RNF216: variants seen among roughly 807,000 people sequenced by gnomAD.
RNF216 encodes ring finger protein 216.
A neutral mutation model predicts 110.8 loss-of-function variants in RNF216; 72 were observed. The observed-to-expected ratio is 0.65, with a 90% CI of 0.54 to 0.79. The LOEUF is 0.79. Ranked by LOEUF, RNF216 falls within the 30% of genes least tolerant of loss-of-function variation. The probability of loss-of-function intolerance (pLI) is 0.00; values close to 1 mark genes in which losing one functional copy is unlikely to be tolerated. For missense variants in RNF216, 1,342 were observed against 1,141.2 expected (o/e 1.18, Z -2.54); for synonymous variants, 495 against 407.5 (o/e 1.21, Z -2.59).
At chr7:5,626,305 T>C (rs1786698472) in intron 15 of RNF216, among the ~76,000 whole-genome samples, 2 of 151,720 alleles carry the variant, frequency 1.3e-5, no homozygotes, top group Non-Finnish European at 2.9e-5. Flanking sequence ...GGGTGGGCAG[T>C]TTGAAGGCCT....
intron 1 of RNF216, among the ~76,000 whole-genome samples, chr7:5,779,113 A>G (rs527267351): frequency 2.6e-5 from 4 of 152,368 alleles, no homozygotes; most frequent in African/African-American, 9.6e-5. Flanking sequence ...TTATGTCTCT[A>G]AAGAGCTAGA....
intron 1 of RNF216, chr7:5,777,590 A>T (rs532371238): frequency 1.3e-5 from 2 of 152,376 alleles, no homozygotes; most frequent in African/African-American, 4.8e-5. Context: ...ATCAAAGTTG[A>T]CCTAGACGCT....
intron 8 of RNF216, among the ~76,000 whole-genome samples, chr7:5,723,114 T>A (rs376607290): frequency 2.0e-5 from 3 of 152,144 alleles, no homozygotes; most frequent in Non-Finnish European, 4.4e-5. Flanking sequence ...TTTTTTTCTA[T>A]AAAATGATAA....
At position 5,641,208 on chromosome 7, in the gene RNF216, T is replaced by A; in HGVS notation, c.2328A>T (p.Ser776=). 1 of 1,614,110 alleles carries A rather than the reference T, an allele frequency of 6.2e-7. No individual in the cohort carries two copies. The highest frequency in any genetic ancestry group is 8.5e-7 in the Non-Finnish European group (1 of 1,180,034). ...AACACTCCTGGCAAGGGGCTCCTGG[T>A]GAGCGGGGATGTTGGCAGAAATGGT... ...GYDHFCQHPR[S]PGAPCQECSR... is the part of the protein sequence containing the mutation. Residue 776 remains serine, a synonymous_variant, in exon 15 of 17, where the codon TCA becomes TCT. Coordinates refer to ENST00000389902, the MANE Select transcript of RNF216 (RefSeq NM_207111.4).
intron 15 of RNF216, among the ~76,000 whole-genome samples, chr7:5,635,365 G>T (rs972687664): frequency 6.6e-6 from 1 of 151,694 alleles, no homozygotes; most frequent in Non-Finnish European, 1.5e-5. Flanking sequence ...GCCAGCTGTG[G>T]AAGCTGGGTG....
At chr7:5,646,332 C>A (rs1049500989) in intron 14 of RNF216, among the ~76,000 whole-genome samples, 4 of 151,658 alleles carry the variant, frequency 2.6e-5, no homozygotes, top group African/African-American at 9.7e-5. Context: ...CGCATCATTG[C>A]CACTGCACTC....
chr7:5,669,957 C>T (rs1789794826), intron 13 of RNF216, among the ~76,000 whole-genome samples: 1 of 150,322 alleles, frequency 6.7e-6, no homozygotes, highest in Non-Finnish European at 1.5e-5. Context: ...GATGGAGTCT[C>T]GCTCTGCCAC....
At chr7:5,757,921 G>A (rs963267115) in intron 2 of RNF216, among the ~76,000 whole-genome samples, 16 of 152,324 alleles carry the variant, frequency 1.1e-4, no homozygotes, top group Middle Eastern at 3.4e-3. Context: ...TCGTGAGGCA[G>A]AGGCAATTGG....
chr7:5,753,382 T>C (rs567379073), intron 2 of RNF216, among the ~76,000 whole-genome samples: 50 of 152,318 alleles, frequency 3.3e-4, no homozygotes, highest in African/African-American at 1.1e-3. Flanking sequence ...ATTCAAAAAA[T>C]AGTAAAATTT....
intron 13 of RNF216, among the ~76,000 whole-genome samples, chr7:5,689,114 T>C (rs551826044): frequency 5.9e-5 from 9 of 151,978 alleles, no homozygotes; most frequent in Non-Finnish European, 1.3e-4. Context: ...CCACCATCAG[T>C]GCCTTGTGAG....
chr7:5,703,497 A>C (rs991911824), intron 13 of RNF216, among the ~76,000 whole-genome samples: 3 of 152,238 alleles, frequency 2.0e-5, no homozygotes, highest in Non-Finnish European at 2.9e-5. Context: ...CTGTTTTTTA[A>C]CCAACAAACT....
In RNF216 at chr7:5,741,002, C is replaced by G; in HGVS notation, c.1015G>C (p.Glu339Gln). The G allele has an allele frequency of 1.2e-6, 2 of 1,609,596 alleles. No individual in the cohort carries two copies. Among genetic ancestry groups the G allele is most frequent in the Non-Finnish European group, 1.7e-6 (2 of 1,178,750 alleles). ...TCTTTCACTAGTAGTTCAACGAGCT[C>G]TTGATCTACCTCTGCAGCTTCTTGC... Reference protein sequence around the residue: ...WGQEAAEVDQELVELLVKETE... With the variant: ...WGQEAAEVDQQLVELLVKETE... The change falls in exon 4 of 17, where the codon GAG becomes CAG. Residue 339 changes from glutamate to glutamine, a missense_variant. Glu to Gln is a conservative substitution (Grantham distance 29). Coordinates refer to ENST00000389902, the MANE Select transcript of RNF216 (RefSeq NM_207111.4).
intron 15 of RNF216, among the ~76,000 whole-genome samples, chr7:5,628,808 C>T (rs1374089130): frequency 6.6e-6 from 1 of 152,022 alleles, no homozygotes; most frequent in East Asian, 1.9e-4. Flanking sequence ...CAGGCATGAG[C>T]CATCACACCC....
chr7:5,705,169 ATCACTGATCTAGGG>A (rs945402229), intron 13 of RNF216, among the ~76,000 whole-genome samples: 10 of 152,114 alleles, frequency 6.6e-5, no homozygotes, highest in African/African-American at 2.4e-4. Context: ...ACTGACCCGG[ATCACTGATCTAGGG>A]TCACTGATTT....
Position 5,696,753 on chromosome 7 carries a change from A to G in RNF216, c.2061+15008T>C, listed in dbSNP as rs974009801. 1.1e-4 allele frequency among the ~76,000 whole-genome samples: 17 copies of G among 152,218 alleles called. No individual in the cohort carries two copies. Among genetic ancestry groups the G allele is most frequent in the Admixed American group, 7.9e-4 (12 of 15,278 alleles). On this transcript the variant is annotated intron_variant, in intron 13 of 16. Coordinates refer to ENST00000389902, the MANE Select transcript of RNF216 (RefSeq NM_207111.4). This position sits in a 1 kb window ranked among gnomAD's most constrained non-coding sequence, Gnocchi z 5.4. ...TCTGGAAAATGGGAAAAGTAATCAC[A>G]GCAAATACCTGCAACATTGTACGAA...
chr7:5,663,312 G>A (rs1789270826), intron 13 of RNF216, among the ~76,000 whole-genome samples: 1 of 152,192 alleles, frequency 6.6e-6, no homozygotes, highest in Non-Finnish European at 1.5e-5. Context: ...CAGGCATGGT[G>A]GCTTACGCCT....
rs71004697 is a variant in RNF216, at chr7:5,740,002, C to CAA, written c.1045-652_1045-651dup. On this transcript the variant is annotated intron_variant, in intron 4 of 16. Coordinates refer to ENST00000389902, the MANE Select transcript of RNF216 (RefSeq NM_207111.4). ...TGGGTGACAGAGTGAGACTCGGTCT[C>CAA]AAAAAAAAAACAAACCAAAAACAAA... Among the ~76,000 whole-genome samples, 344 of 141,096 alleles carry CAA rather than the reference C, an allele frequency of 2.4e-3. 3 individuals are homozygous for CAA. Among genetic ancestry groups the CAA allele is most frequent in the Middle Eastern group, 7.2e-3 (2 of 276 alleles). 92.6% of individuals were successfully genotyped at this position (141,096 alleles called of 152,430 possible). A position where few individuals can be genotyped will look rare whatever the true frequency, so the allele number is the denominator to read the frequency against.
intron 14 of RNF216, among the ~76,000 whole-genome samples, chr7:5,642,725 T>G (rs1052006112): frequency 2.0e-5 from 3 of 152,164 alleles, no homozygotes; most frequent in African/African-American, 7.2e-5. Flanking sequence ...GTGATCCGCC[T>G]GCCTCAGCCT....
At chr7:5,779,090 G>T (rs775505541) in intron 1 of RNF216, among the ~76,000 whole-genome samples, 26 of 152,212 alleles carry the variant, frequency 1.7e-4, no homozygotes, top group Non-Finnish European at 1.9e-4. Flanking sequence ...ATGATATCAG[G>T]TATGAGAATG....
Sources: gnomAD v4.1 joint callset for allele counts (sites outside exome capture counted in the v4.1 genomes callset) on GRCh38, gnomAD v4.1.1 for gene constraint, Gnocchi (gnomAD v3.1) non-coding constraint, MANE v1.5 for transcripts, NCBI Gene and HGNC (gene_info 2026-07-23, HGNC 2026-07-21) for gene names.